The following UNC13C variants were observed in gnomAD, a reference collection of about 807,000 sequenced individuals.
UNC13C encodes the protein unc-13 homolog C, also known as protein unc-13 homolog C.
A neutral mutation model predicts 245.4 loss-of-function variants in UNC13C; 174 were observed. That is an observed-to-expected ratio of 0.71 (90% CI 0.63 to 0.80). The LOEUF (loss-of-function observed/expected upper bound fraction) is 0.80, where lower values mean the gene tolerates loss of function less well. Ranked by LOEUF, UNC13C falls within the 30% of genes least tolerant of loss-of-function variation. The probability of loss-of-function intolerance (pLI) is 0.00; values close to 1 mark genes in which losing one functional copy is unlikely to be tolerated. For synonymous variants in UNC13C, 992 were observed against 895.1 expected (o/e 1.11, Z -1.93); for missense variants, 2,829 against 2,602.9 (o/e 1.09, Z -1.89).
Position 54,391,115 on chromosome 15 carries a change from C to T in UNC13C, c.4714-1933C>T, listed in dbSNP as rs185681095. Among the ~76,000 whole-genome samples, 4 of 152,160 alleles carry T rather than the reference C, an allele frequency of 2.6e-5. No homozygotes were observed. The East Asian group carries it at 7.7e-4, about 29-fold the overall frequency. On this transcript the variant is annotated intron_variant, in intron 17 of 32. Transcript: ENST00000260323. ...TCTGTCTCTCCTCCTTTCCATGTCA[C>T]TCTTTGCAAAAATGATAAGTGGCTG...
chr15:53,921,736 C>T, the UNC13C span, among the ~76,000 whole-genome samples: 9 of 152,182 alleles, frequency 5.9e-5, no homozygotes, highest in African/African-American at 2.2e-4. Context: ...TAGATGCTCA[C>T]ATGTGATAAA....
At chr15:53,853,035 T>C in the UNC13C span, among the ~76,000 whole-genome samples, 1 of 152,058 alleles carries the variant, frequency 6.6e-6, no homozygotes, top group Non-Finnish European at 1.5e-5. Context: ...TTATTTTAAG[T>C]ACAATGGTAC....
intron 4 of UNC13C, among the ~76,000 whole-genome samples, chr15:54,224,444 G>A (rs752213298): frequency 2.6e-5 from 4 of 152,016 alleles, no homozygotes; most frequent in Non-Finnish European, 5.9e-5. Context: ...GACTGATTTG[G>A]GTATGATGAA....
chr15:54,456,416 A>C (rs1053329458), intron 19 of UNC13C, among the ~76,000 whole-genome samples: 1 of 151,962 alleles, frequency 6.6e-6, no homozygotes, highest in East Asian at 1.9e-4. Context: ...TGGGAATTGC[A>C]TTGAATATAT....
intron 2 of UNC13C, among the ~76,000 whole-genome samples, chr15:54,024,796 A>T (rs1048177681): frequency 2.0e-5 from 3 of 151,938 alleles, no homozygotes; most frequent in Non-Finnish European, 4.4e-5. Flanking sequence ...GCGCCTGTAG[A>T]CCCAGCTACT....
chr15:54,130,691 T>G (rs1463559550), intron 2 of UNC13C, among the ~76,000 whole-genome samples: 1 of 152,196 alleles, frequency 6.6e-6, no homozygotes, highest in East Asian at 1.9e-4. Context: ...AGGCTTAAGA[T>G]TCCTATCTTC....
intron 2 of UNC13C, among the ~76,000 whole-genome samples, chr15:54,091,495 G>A (rs186641238): frequency 3.9e-4 from 59 of 152,148 alleles, no homozygotes; most frequent in African/African-American, 1.3e-3. Context: ...AAGTCCTTTC[G>A]TATCTACTAT....
At chr15:54,521,568 G>T (rs542651499) in intron 24 of UNC13C, among the ~76,000 whole-genome samples, 31 of 152,272 alleles carry the variant, frequency 2.0e-4, no homozygotes, top group African/African-American at 7.5e-4. Flanking sequence ...TATATAACAT[G>T]TATTTTCTTT....
intron 2 of UNC13C, among the ~76,000 whole-genome samples, chr15:54,140,200 A>G (rs956624166): frequency 5.3e-5 from 8 of 152,202 alleles, no homozygotes; most frequent in Admixed American, 2.6e-4. Context: ...GCAATCTGCC[A>G]TTAGGATTTT....
chr15:54,100,368 C>T (rs1197019374), intron 2 of UNC13C, among the ~76,000 whole-genome samples: 1 of 152,134 alleles, frequency 6.6e-6, no homozygotes, highest in East Asian at 1.9e-4. Context: ...TTGACATGTT[C>T]TCCACTCATG....
intron 2 of UNC13C, among the ~76,000 whole-genome samples, chr15:54,056,482 A>C (rs1232289730): frequency 6.6e-6 from 1 of 152,102 alleles, no homozygotes; most frequent in Non-Finnish European, 1.5e-5. Context: ...ATCTACATCT[A>C]ATTGGTGTAC....
intron 2 of UNC13C, chr15:54,050,002 C>G (rs893647725): frequency 8.7e-6 from 2 of 228,892 alleles, no homozygotes; most frequent in Non-Finnish European, 1.8e-5. Context: ...CAGAGTCTCA[C>G]TCTGTCTCCC....
the UNC13C span, among the ~76,000 whole-genome samples, chr15:53,930,493 A>AGG: frequency 2.0e-5 from 3 of 152,228 alleles, no homozygotes; most frequent in South Asian, 6.2e-4. Flanking sequence ...TTCTGGGAAG[A>AGG]GGGCTGCTTT....
intron 13 of UNC13C, among the ~76,000 whole-genome samples, chr15:54,315,951 A>G (rs923314288): frequency 2.6e-5 from 4 of 151,776 alleles, no homozygotes; most frequent in Non-Finnish European, 5.9e-5. Context: ...TCAGACATCC[A>G]TCGTCTCTTC....
At chr15:54,074,581 GA>G (rs1488024761) in intron 2 of UNC13C, among the ~76,000 whole-genome samples, 2 of 152,244 alleles carry the variant, frequency 1.3e-5, no homozygotes, top group Non-Finnish European at 2.9e-5. Flanking sequence ...AGTTCTCCTT[GA>G]AGAGGTCTTT....
At chr15:54,412,553 G>A (rs983526097) in intron 18 of UNC13C, among the ~76,000 whole-genome samples, 4 of 152,144 alleles carry the variant, frequency 2.6e-5, no homozygotes, top group African/African-American at 4.8e-5. Context: ...CATATCAGAT[G>A]CTATTATAAA....
At chr15:54,378,372 C>T (rs957978445) in intron 17 of UNC13C, among the ~76,000 whole-genome samples, 2 of 151,888 alleles carry the variant, frequency 1.3e-5, no homozygotes, top group African/African-American at 4.8e-5. Flanking sequence ...TTGCATTTTT[C>T]TTTTTTAATA....
rs967050854 is a variant in UNC13C, at chr15:54,286,204, C to T, written c.3819-7691C>T. 2.6e-5 allele frequency among the ~76,000 whole-genome samples: 4 copies of T among 152,114 alleles called. No individual in the cohort carries two copies. The South Asian group carries it at 8.3e-4, about 32-fold the overall frequency. ...TCCATTATTTATTTTATCAGTATAT[C>T]TTTTAATAAAAGCTGGTACAATACT... On this transcript the variant is annotated intron_variant, in intron 10 of 32. Transcript: ENST00000260323.
At chr15:54,125,684 T>C (rs1322280609) in intron 2 of UNC13C, among the ~76,000 whole-genome samples, 1 of 152,186 alleles carries the variant, frequency 6.6e-6, no homozygotes, top group Non-Finnish European at 1.5e-5. Flanking sequence ...TTTGTTTATT[T>C]TTCCTTAGTG....
Sources: gnomAD v4.1 joint callset for allele counts (sites outside exome capture counted in the v4.1 genomes callset) on GRCh38, gnomAD v4.1.1 for gene constraint, MANE v1.5 for transcripts, NCBI Gene and HGNC (gene_info 2026-07-23, HGNC 2026-07-21) for gene names.